Variants in TCF3 observed in about 807,000 individuals in gnomAD.
TCF3 encodes the protein transcription factor E2-alpha.
A neutral mutation model predicts 72.3 loss-of-function variants in TCF3; 54 were observed. The observed-to-expected ratio is 0.75, with a 90% CI of 0.60 to 0.94. The LOEUF (loss-of-function observed/expected upper bound fraction) is 0.94. Among genes scored for constraint, TCF3 ranks in the 40% least tolerant of loss-of-function variants. TCF3 has a pLI of 0.00. For missense variants in TCF3, 1,078 were observed against 934.4 expected (o/e 1.15, Z -2.00); for synonymous variants, 525 against 412.6 (o/e 1.27, Z -3.30).
chr19:1,620,435 G>A lies in TCF3; in HGVS notation c.1093+533C>T, dbSNP rs79202560. Among the ~76,000 whole-genome samples, 923 of 152,328 alleles carry A rather than the reference G, an allele frequency of 6.1e-3. 12 individuals are homozygous for A. The highest frequency in any genetic ancestry group is 0.021 in the African/African-American group (872 of 41,570). ...CCCTCCCATGCCGGAGCACCGCACA[G>A]GGTAAACAGTCAGTACCTAATAAAT... On this transcript the variant is annotated intron_variant, in intron 13 of 18. Coordinates refer to ENST00000262965, the MANE Select transcript of TCF3 (RefSeq NM_003200.5).
In TCF3 at chr19:1,614,144, C is replaced by T. The variant is rs909786388; in HGVS notation, c.1822+1141G>A. ...AAGATGAAATGGGTGAAGGTCTGGC[C>T]CAGTGCCCAGCATGCCTGGTGCCCT... On this transcript the variant is annotated intron_variant, in intron 18 of 18. Transcript: ENST00000262965. This position sits in a 1 kb window ranked among gnomAD's most constrained non-coding sequence, Gnocchi z 5.6. 6.6e-6 allele frequency among the ~76,000 whole-genome samples: 1 copy of T among 152,226 alleles called. No homozygotes were observed. Among genetic ancestry groups the T allele is most frequent in the Non-Finnish European group, 1.5e-5 (1 of 68,036 alleles).
At chr19:1,633,519 A>G (rs1023744264) in intron 3 of TCF3, among the ~76,000 whole-genome samples, 3 of 151,746 alleles carry the variant, frequency 2.0e-5, no homozygotes, top group Admixed American at 6.6e-5. Context: ...GCATCCTTCT[A>G]TTTCGGTGCC....
intron 3 of TCF3, among the ~76,000 whole-genome samples, chr19:1,644,308 G>A (rs1266230113): frequency 6.6e-6 from 1 of 152,212 alleles, no homozygotes; most frequent in Non-Finnish European, 1.5e-5. Context: ...AGGCAATGAG[G>A]AGGGTGCCAC....
chr19:1,614,829 T>C lies in TCF3; in HGVS notation c.1822+456A>G, dbSNP rs1170923633. Among the ~76,000 whole-genome samples the C allele has an allele frequency of 6.6e-6, 1 of 151,900 alleles. No homozygotes were observed. Among genetic ancestry groups the C allele is most frequent in the Non-Finnish European group, 1.5e-5 (1 of 67,940 alleles). ...GGGAAACTGAGTCAGAGACAGGGGATGGGCTCATGTGGCCTTGCGTGGCAT... is the reference window on the plus strand; with the variant it reads ...GGGAAACTGAGTCAGAGACAGGGGACGGGCTCATGTGGCCTTGCGTGGCAT... On this transcript the variant is annotated intron_variant, in intron 18 of 18. Coordinates refer to ENST00000262965, the MANE Select transcript of TCF3 (RefSeq NM_003200.5). This position sits in a 1 kb window ranked among gnomAD's most constrained non-coding sequence, Gnocchi z 5.6.
In TCF3 at chr19:1,610,966, CTTT is replaced by C. The variant is rs1047247917; in HGVS notation, c.*738_*740del. On this transcript the variant is annotated 3_prime_UTR_variant, in exon 19 of 19. Coordinates refer to ENST00000262965, the MANE Select transcript of TCF3 (RefSeq NM_003200.5). ...GGGGGGGCTCAGGTTTACACGGGGT[CTTT>C]TTAATACAACGTTTAATCATCTGGT... is the stretch of plus-strand genomic sequence containing the variant. 1.1e-5 allele frequency: 2 copies of C among 178,178 alleles called. No individual in the cohort carries two copies. Among genetic ancestry groups the C allele is most frequent in the Non-Finnish European group, 2.1e-5 (2 of 93,114 alleles). The allele number at this position is 178,178 out of a possible 1,614,324, so 11.0% of individuals were successfully genotyped here. A position where few individuals can be genotyped will look rare whatever the true frequency, so the allele number is the denominator to read the frequency against.
In TCF3 at chr19:1,627,430, C is replaced by T; in HGVS notation, c.299-4G>A. ...GCGCCCCGCTCACCGCTCTTGCCTGCAAGGGGAGAAGGAAGGTTAGTGGGA... is the reference window on the plus strand; with the variant it reads ...GCGCCCCGCTCACCGCTCTTGCCTGTAAGGGGAGAAGGAAGGTTAGTGGGA... On this transcript the variant is annotated splice_region_variant and splice_polypyrimidine_tract_variant and intron_variant, in intron 5 of 18. Coordinates refer to ENST00000262965, the MANE Select transcript of TCF3 (RefSeq NM_003200.5). The T allele has an allele frequency of 6.2e-7, 1 of 1,611,830 alleles. No individual in the cohort carries two copies. Among genetic ancestry groups the T allele is most frequent in the Non-Finnish European group, 8.5e-7 (1 of 1,179,618 alleles).
intron 3 of TCF3, among the ~76,000 whole-genome samples, chr19:1,645,049 C>T (rs934870245): frequency 6.6e-6 from 1 of 152,044 alleles, no homozygotes; most frequent in East Asian, 1.9e-4. Flanking sequence ...CACTTCCTCA[C>T]GTAGAGGGGA....
chr19:1,636,156 T>A (rs144963308), intron 3 of TCF3, among the ~76,000 whole-genome samples: 299 of 152,196 alleles, frequency 2.0e-3, no homozygotes, highest in Non-Finnish European at 3.2e-3. Flanking sequence ...AGCAGTATTT[T>A]AAAAAATTTT....
Position 1,621,207 on chromosome 19 carries a change from G to A in TCF3, c.956-16C>T, listed in dbSNP as rs768468120. 1.0e-4 allele frequency: 155 copies of A among 1,533,798 alleles called. No individual in the cohort carries two copies. The highest frequency in any genetic ancestry group is 1.3e-4 in the Non-Finnish European group (146 of 1,145,486). On this transcript the variant is annotated splice_polypyrimidine_tract_variant and intron_variant, in intron 11 of 18. Coordinates refer to ENST00000262965, the MANE Select transcript of TCF3 (RefSeq NM_003200.5). ...CCTCGGGAGCCTGTGGGTGAAGAGA[G>A]GTGAGGCCCACGCAGCCCGGCCTGG...
At position 1,622,422 on chromosome 19, in the gene TCF3, G is replaced by GGGGGGGGTA; in HGVS notation, c.550-8_550-7insTACCCCCCC. The GGGGGGGGTA allele has an allele frequency of 7.1e-7, 1 of 1,411,560 alleles. No homozygotes were observed. The highest frequency in any genetic ancestry group is 9.4e-7 in the Non-Finnish European group (1 of 1,064,472). The allele number at this position is 1,411,560 out of a possible 1,614,324, so 87.4% of individuals were successfully genotyped here. A position where few individuals can be genotyped will look rare whatever the true frequency, so the allele number is the denominator to read the frequency against. On this transcript the variant is annotated splice_region_variant and splice_polypyrimidine_tract_variant and intron_variant, in intron 8 of 18. Transcript: ENST00000262965. ...CTGAGCTGGGTGGGTACACCTGCGGGCGGGTGGGCGGTGGGGGGTGCAGTC... is the reference window on the plus strand; with the variant it reads ...CTGAGCTGGGTGGGTACACCTGCGGGGGGGGGGTACGGGTGGGCGGTGGGGGGTGCAGTC...
At position 1,610,294 on chromosome 19, in the gene TCF3, C is replaced by A; in HGVS notation, c.*1413G>T. Reference sequence around the variant, plus strand: ...GGCTCCAGCCACTCTTGCCCTTGGACCACACAGAGGGAGGGCAGCAGGTGT... The same window carrying A: ...GGCTCCAGCCACTCTTGCCCTTGGAACACACAGAGGGAGGGCAGCAGGTGT... On this transcript the variant is annotated 3_prime_UTR_variant, in exon 19 of 19. Transcript: ENST00000262965. 4.3e-6 allele frequency: 1 copy of A among 232,194 alleles called. No individual in the cohort carries two copies. Among genetic ancestry groups the A allele is most frequent in the Non-Finnish European group, 8.5e-6 (1 of 117,464 alleles). The allele number at this position is 232,194 out of a possible 1,614,324, so 14.4% of individuals were successfully genotyped here.
rs750692640 is a variant in TCF3 at position 1,621,030 on chromosome 19, T to C, written c.1031A>G (p.His344Arg). ...KALASIYSPD[H>R]SSNNFSSSPS... Reference sequence around the variant, plus strand: ...GCTGGACGAGAAGTTATTGCTTGAGTGATCCGGGGAGTAGATCTGCGAGGA... The same window carrying C: ...GCTGGACGAGAAGTTATTGCTTGAGCGATCCGGGGAGTAGATCTGCGAGGA... Residue 344 changes from histidine (H) to arginine (R), a missense_variant, in exon 13 of 19, where the codon CAC (histidine) becomes CGC (arginine). Coordinates refer to ENST00000262965, the MANE Select transcript of TCF3 (RefSeq NM_003200.5). 5 of 1,514,532 alleles carry C rather than the reference T, an allele frequency of 3.3e-6. No homozygotes were observed. Among genetic ancestry groups the C allele is most frequent in the Non-Finnish European group, 4.4e-6 (5 of 1,127,716 alleles). 93.8% of individuals were successfully genotyped at this position (1,514,532 alleles called of 1,614,324 possible). A position where few individuals can be genotyped will look rare whatever the true frequency, so the allele number is the denominator to read the frequency against.
chr19:1,620,409 G>A (rs1320854288), intron 13 of TCF3, among the ~76,000 whole-genome samples: 1 of 152,170 alleles, frequency 6.6e-6, no homozygotes, highest in Non-Finnish European at 1.5e-5. Flanking sequence ...AGGAGGGTCT[G>A]CCCTCCCATG....
chr19:1,627,319 T>C, intron 6 of TCF3, 40 bp downstream of exon 6: 4 of 1,559,098 alleles, frequency 2.6e-6, no homozygotes, highest in Non-Finnish European at 3.5e-6. Flanking sequence ...CAGATTTGTT[T>C]AAAATCAAAA....
intron 6 of TCF3, among the ~76,000 whole-genome samples, chr19:1,626,680 G>T (rs2062922025): frequency 6.6e-6 from 1 of 152,194 alleles, no homozygotes; most frequent in Non-Finnish European, 1.5e-5. Context: ...TCTGTAAAAT[G>T]GGCACGTAGG....
At chr19:1,626,431 T>G (rs1354909347) in intron 6 of TCF3, among the ~76,000 whole-genome samples, 5 of 151,076 alleles carry the variant, frequency 3.3e-5, no homozygotes, top group African/African-American at 9.8e-5. Context: ...GCCTGGGCCA[T>G]GAGCGAAACT....
Position 1,632,418 on chromosome 19 carries a change from CAG to C in TCF3, c.146-15_146-14del, listed in dbSNP as rs1167674993. 5.7e-6 allele frequency: 9 copies of C among 1,585,590 alleles called. No individual in the cohort carries two copies. Among genetic ancestry groups the C allele is most frequent in the African/African-American group, 4.0e-5 (3 of 74,442 alleles). On this transcript the variant is annotated splice_polypyrimidine_tract_variant and intron_variant, in intron 3 of 18. Transcript: ENST00000262965. Reference sequence around the variant, plus strand: ...CGGTCCTCAAGACCTGCAGGCAGGACAGAGAGAGTTATGGGTCACCCTCACGC... The same window carrying C: ...CGGTCCTCAAGACCTGCAGGCAGGACAGAGAGTTATGGGTCACCCTCACGC...
chr19:1,652,121 C>A (rs1488703325), intron 1 of TCF3, among the ~76,000 whole-genome samples, 179 bp downstream of exon 1: 1 of 150,248 alleles, frequency 6.7e-6, no homozygotes, highest in East Asian at 2.0e-4. Flanking sequence ...CGCCGCCCCC[C>A]CGGCGCCGCG....
intron 7 of TCF3, 35 bp downstream of exon 7, chr19:1,625,541 A>G: frequency 6.5e-7 from 1 of 1,531,786 alleles, no homozygotes; most frequent in East Asian, 2.6e-5. Context: ...GCTCCCTCCC[A>G]GAAGCCCCCG....
Sources: allele counts gnomAD v4.1 joint callset (sites outside exome capture counted in the v4.1 genomes callset), GRCh38; gene constraint gnomAD v4.1.1; non-coding constraint Gnocchi (gnomAD v3.1); transcripts MANE v1.5; gene names NCBI Gene and HGNC (gene_info 2026-07-23, HGNC 2026-07-21).